The following PHACTR3 variants were observed in gnomAD, a reference collection of about 807,000 sequenced individuals.
The protein encoded by PHACTR3 is phosphatase and actin regulator 3.
Under a neutral mutation model 66.8 loss-of-function variants are expected in PHACTR3, and 16 were observed. The ratio of observed to expected loss-of-function variants is 0.24; its 90% CI spans 0.16 to 0.36. The LOEUF (loss-of-function observed/expected upper bound fraction) is 0.36. PHACTR3 is among the 10% of genes least tolerant of loss of function. The pLI, the probability that PHACTR3 is intolerant of heterozygous loss-of-function variation, is 1.00. For synonymous variants in PHACTR3, 323 were observed against 292.1 expected (o/e 1.11, Z -1.08); for missense variants, 647 against 719.9 (o/e 0.90, Z 1.16).
chr20:59,742,220 C>T (rs1251425026), intron 1 of PHACTR3, among the ~76,000 whole-genome samples: 3 of 152,194 alleles, frequency 2.0e-5, no homozygotes, highest in African/African-American at 7.2e-5. Flanking sequence ...GTTTCCTGTC[C>T]GTGCTTGGAG....
intron 1 of PHACTR3, among the ~76,000 whole-genome samples, chr20:59,637,644 A>T (rs1600977400): frequency 6.6e-6 from 1 of 152,036 alleles, no homozygotes; most frequent in Non-Finnish European, 1.5e-5. Flanking sequence ...ACGTGAACAA[A>T]TATGAAATGA....
chr20:59,614,676 C>T (rs1394367021), intron 1 of PHACTR3, among the ~76,000 whole-genome samples: 1 of 152,184 alleles, frequency 6.6e-6, no homozygotes, highest in Non-Finnish European at 1.5e-5. Context: ...ATTGGTCTTG[C>T]AATACTCTTC....
chr20:59,817,135 G>A (rs1282052094), intron 8 of PHACTR3, among the ~76,000 whole-genome samples: 2 of 152,174 alleles, frequency 1.3e-5, no homozygotes, highest in Non-Finnish European at 2.9e-5. Flanking sequence ...TTTGCATAGT[G>A]GGCTCTTTGG....
chr20:59,809,772 T>A (rs1436046665), intron 8 of PHACTR3, among the ~76,000 whole-genome samples: 1 of 152,146 alleles, frequency 6.6e-6, no homozygotes, highest in Non-Finnish European at 1.5e-5. Context: ...CCTACTCAGT[T>A]CAGGCGCTGT....
chr20:59,821,970 T>C (rs1196123774), intron 8 of PHACTR3, among the ~76,000 whole-genome samples: 25 of 62,084 alleles, frequency 4.0e-4, no homozygotes, highest in African/African-American at 1.3e-3. Flanking sequence ...AATCCTACCC[T>C]TTCTGCAGCG....
chr20:59,707,457 C>CTTTTTT (rs34134572), intron 1 of PHACTR3, among the ~76,000 whole-genome samples: 40 of 100,406 alleles, frequency 4.0e-4, no homozygotes, highest in Non-Finnish European at 5.1e-4. Context: ...TGCTCCCACT[C>CTTTTTT]TTTTTTTTTT....
chr20:59,693,710 G>A (rs1204605401), intron 1 of PHACTR3, among the ~76,000 whole-genome samples: 2 of 152,148 alleles, frequency 1.3e-5, no homozygotes, highest in African/African-American at 4.8e-5. Flanking sequence ...TCTTGGCTGG[G>A]CCCCTGCATG....
At chr20:59,588,844 A>G (rs1405470886) in intron 1 of PHACTR3, among the ~76,000 whole-genome samples, 1 of 152,242 alleles carries the variant, frequency 6.6e-6, no homozygotes, top group Non-Finnish European at 1.5e-5. Context: ...CCTGTGTCTC[A>G]GGGACACTCC....
rs564513011 is a variant in PHACTR3 at position 59,684,194 on chromosome 20, C to A, written c.119-58913C>A. Among the ~76,000 whole-genome samples the A allele has an allele frequency of 1.2e-4, 19 of 152,286 alleles. 1 individual carries two copies. The highest frequency in any genetic ancestry group is 3.4e-3 in the Middle Eastern group (1 of 294). On this transcript the variant is annotated intron_variant, in intron 1 of 12. Transcript: ENST00000371015. The stretch of plus-strand genomic sequence containing the variant: ...TGAGAATTCTCACTGGGGCTCATAT[C>A]TTTTAAATTAAGTAGTCTGCTCCTG...
At chr20:59,632,493 G>A (rs1044909123) in intron 1 of PHACTR3, among the ~76,000 whole-genome samples, 1 of 152,134 alleles carries the variant, frequency 6.6e-6, no homozygotes, top group African/African-American at 2.4e-5. Context: ...GAGTGCTGGT[G>A]GCCATTTTCC....
Position 59,843,055 on chromosome 20 carries a change from G to A in PHACTR3, c.1587+1520G>A, listed in dbSNP as rs1225222607. 2.6e-5 allele frequency among the ~76,000 whole-genome samples: 4 copies of A among 152,136 alleles called. No individual in the cohort carries two copies. The South Asian group carries it at 6.2e-4, about 24-fold the overall frequency. On this transcript the variant is annotated intron_variant, in intron 11 of 12. Transcript: ENST00000371015. Reference sequence around the variant, plus strand: ...GATACACAAAATCACACAAAAATTAGTAGCATTTCTATAAACTAATAATGG... The same window carrying A: ...GATACACAAAATCACACAAAAATTAATAGCATTTCTATAAACTAATAATGG...
chr20:59,661,986 C>T (rs762996420), intron 1 of PHACTR3, among the ~76,000 whole-genome samples: 21 of 152,072 alleles, frequency 1.4e-4, no homozygotes, highest in South Asian at 6.2e-4. Context: ...AAGGAACTCG[C>T]GGTGGAATAT....
intron 1 of PHACTR3, among the ~76,000 whole-genome samples, chr20:59,723,079 TTTCTTTCTTTCTTTCTTTC>T (rs2038399170): frequency 7.0e-6 from 1 of 143,828 alleles, no homozygotes; most frequent in East Asian, 2.1e-4. Context: ...TCTTTCTTTC[TTTCTTTCTTTCTTTCTTTC>T]TTTCTTTCTT....
At chr20:59,701,580 A>G (rs2037507334) in intron 1 of PHACTR3, among the ~76,000 whole-genome samples, 2 of 152,214 alleles carry the variant, frequency 1.3e-5, no homozygotes, top group South Asian at 2.1e-4. Flanking sequence ...AATAGATTTT[A>G]TTTTTTAGAG....
At chr20:59,628,889 A>G (rs2034561525) in intron 1 of PHACTR3, 1 of 880,298 alleles carries the variant, frequency 1.1e-6, no homozygotes, top group African/African-American at 1.8e-5. Context: ...ATAATTTTAG[A>G]CTCACGTGGG....
intron 1 of PHACTR3, among the ~76,000 whole-genome samples, chr20:59,714,719 C>A (rs535712351): frequency 4.6e-5 from 7 of 152,090 alleles, no homozygotes; most frequent in South Asian, 2.1e-4. Flanking sequence ...TACACATAAA[C>A]CTTTTGTAAG....
At chr20:59,746,285 G>A (rs1425824290) in intron 2 of PHACTR3, among the ~76,000 whole-genome samples, 1 of 152,178 alleles carries the variant, frequency 6.6e-6, no homozygotes, top group Non-Finnish European at 1.5e-5. Flanking sequence ...CTGCCCCCCA[G>A]TCAGTCCCCC....
At chr20:59,639,524 C>T (rs2146419356) in intron 1 of PHACTR3, among the ~76,000 whole-genome samples, 1 of 152,306 alleles carries the variant, frequency 6.6e-6, no homozygotes, top group South Asian at 2.1e-4. Flanking sequence ...CTACCTTGGA[C>T]CTCTTCTGGG....
chr20:59,588,542 A>G (rs867742493), intron 1 of PHACTR3, among the ~76,000 whole-genome samples: 17 of 152,254 alleles, frequency 1.1e-4, no homozygotes, highest in Middle Eastern at 3.4e-3. Context: ...TGTTTCTCCC[A>G]GGATAAAATC....
Sources: gnomAD v4.1 joint callset for allele counts (sites outside exome capture counted in the v4.1 genomes callset) on GRCh38, gnomAD v4.1.1 for gene constraint, MANE v1.5 for transcripts, NCBI Gene and HGNC (gene_info 2026-07-23, HGNC 2026-07-21) for gene names.